The following CSMD1 variants were observed in gnomAD, a reference collection of about 807,000 sequenced individuals.
CSMD1 encodes CUB and sushi domain-containing protein 1.
Under a neutral mutation model 417.5 loss-of-function variants are expected in CSMD1, and 213 were observed. The observed-to-expected ratio is 0.51, with a 90% CI of 0.46 to 0.57. The LOEUF (loss-of-function observed/expected upper bound fraction) is 0.57, where lower values mean the gene tolerates loss of function less well. CSMD1 is among the 20% of genes least tolerant of loss of function. The pLI is 0.00. For synonymous variants in CSMD1, 2,862 were observed against 1,736.8 expected (o/e 1.65, Z -16.11); for missense variants, 6,923 against 4,529.7 (o/e 1.53, Z -15.17).
At chr8:3,946,167 G>A (rs113327393) in intron 5 of CSMD1, among the ~76,000 whole-genome samples, 1 of 151,974 alleles carries the variant, frequency 6.6e-6, no homozygotes, top group South Asian at 2.1e-4. Context: ...TTTGAAATAA[G>A]ATTATTACAA....
chr8:3,386,339 G>A (rs1014956336), intron 18 of CSMD1, among the ~76,000 whole-genome samples: 3 of 152,102 alleles, frequency 2.0e-5, no homozygotes, highest in African/African-American at 4.8e-5. Context: ...CGCCGAACTC[G>A]ACTCCCACCT....
chr8:4,653,552 T>A (rs757908107), intron 1 of CSMD1, among the ~76,000 whole-genome samples: 5 of 152,096 alleles, frequency 3.3e-5, no homozygotes, highest in Non-Finnish European at 7.3e-5. Flanking sequence ...TCATTTCTAC[T>A]TGTTTCAAAA....
At chr8:4,161,867 T>A (rs1269995015) in intron 3 of CSMD1, among the ~76,000 whole-genome samples, 1 of 152,220 alleles carries the variant, frequency 6.6e-6, no homozygotes, top group East Asian at 1.9e-4. Flanking sequence ...AGAATTTAAT[T>A]CTTTTAGATT....
At chr8:4,084,013 C>G (rs1012807870) in intron 3 of CSMD1, among the ~76,000 whole-genome samples, 2 of 151,900 alleles carry the variant, frequency 1.3e-5, no homozygotes, top group African/African-American at 2.4e-5. Context: ...AACAAACAAC[C>G]CCATCAAGAA....
At chr8:3,460,378 A>T (rs1020879310) in intron 12 of CSMD1, among the ~76,000 whole-genome samples, 3 of 152,146 alleles carry the variant, frequency 2.0e-5, no homozygotes, top group Non-Finnish European at 4.4e-5. Flanking sequence ...ATGAAGATGG[A>T]ATCTGGAAAC....
At chr8:3,158,196 T>C (rs1819653356) in intron 38 of CSMD1, among the ~76,000 whole-genome samples, 1 of 152,218 alleles carries the variant, frequency 6.6e-6, no homozygotes, top group South Asian at 2.1e-4. Context: ...AACAAAATCT[T>C]GCAATGTCCT....
intron 2 of CSMD1, among the ~76,000 whole-genome samples, chr8:4,602,135 C>T (rs73659141): frequency 6.6e-6 from 1 of 152,184 alleles, no homozygotes; most frequent in Non-Finnish European, 1.5e-5. Flanking sequence ...TCTGCTCCCC[C>T]AGTTCCCTAA....
At chr8:3,453,461 T>G (rs1815887604) in intron 12 of CSMD1, among the ~76,000 whole-genome samples, 1 of 152,192 alleles carries the variant, frequency 6.6e-6, no homozygotes, top group South Asian at 2.1e-4. Flanking sequence ...TGCTATAAAT[T>G]TCCCTCTACA....
intron 5 of CSMD1, among the ~76,000 whole-genome samples, chr8:3,915,760 C>A (rs953679929): frequency 1.3e-5 from 2 of 149,426 alleles, no homozygotes; most frequent in African/African-American, 5.0e-5. Context: ...CTCTCGCTTT[C>A]CATTGCATCT....
chr8:4,141,937 A>G (rs1303520133), intron 3 of CSMD1, among the ~76,000 whole-genome samples: 1 of 151,154 alleles, frequency 6.6e-6, no homozygotes. Flanking sequence ...TATGCTATCC[A>G]AAATAACATC....
Position 4,216,549 on chromosome 8 carries a change from C to G in CSMD1, c.416-184450G>C, listed in dbSNP as rs191365996. On this transcript the variant is annotated intron_variant, in intron 3 of 69. Transcript: ENST00000635120. ...CTAAGAATTCTCAAGATCAAAGAAC[C>G]CGGCCTGAGTCTGCTGCCACTGCCA... Among the ~76,000 whole-genome samples, 215 of 152,210 alleles carry G rather than the reference C, an allele frequency of 1.4e-3. 4 individuals carry two copies. The highest frequency in any genetic ancestry group is 4.7e-3 in the African/African-American group (195 of 41,534).
chr8:4,120,026 T>C (rs898893178), intron 3 of CSMD1, among the ~76,000 whole-genome samples: 5 of 152,168 alleles, frequency 3.3e-5, no homozygotes, highest in Non-Finnish European at 7.3e-5. Context: ...TTGATGATAA[T>C]TTAATTGCAC....
intron 3 of CSMD1, among the ~76,000 whole-genome samples, chr8:4,226,892 C>A (rs968254359): frequency 1.3e-5 from 2 of 152,130 alleles, no homozygotes; most frequent in Non-Finnish European, 2.9e-5. Flanking sequence ...CATATTTGAA[C>A]GTAAAGGATT....
intron 2 of CSMD1, among the ~76,000 whole-genome samples, chr8:4,429,601 A>G (rs1797756393): frequency 6.6e-6 from 1 of 152,144 alleles, no homozygotes. Context: ...AAAGAAAGTC[A>G]AAGTTTAGAG....
In CSMD1 at chr8:3,199,777, T is replaced by G. The variant is rs1465574743; in HGVS notation, c.5131A>C (p.Ile1711Leu). The G allele has an allele frequency of 6.3e-7, 1 of 1,582,904 alleles. No homozygotes were observed. ...CTCTTTGCACTGAATCGGAGCAGAA[T>G]TTGATTTGACGTAGCCAAGGGCAAT... ...ETLPLATSNQ[I>L]LLRFSAKSGA... The change falls in exon 33 of 70, where the codon ATT (isoleucine) becomes CTT (leucine). Residue 1711 changes from isoleucine (I) to leucine (L), a missense_variant. Coordinates refer to ENST00000635120, the MANE Select transcript of CSMD1 (RefSeq NM_033225.6).
At chr8:3,012,909 G>C (rs1314662786) in intron 52 of CSMD1, among the ~76,000 whole-genome samples, 1 of 152,140 alleles carries the variant, frequency 6.6e-6, no homozygotes, top group African/African-American at 2.4e-5. Flanking sequence ...GGGGGCGGGA[G>C]TTTCTGTTCT....
At position 4,448,842 on chromosome 8, in the gene CSMD1, T is replaced by C. The variant is rs186954; in HGVS notation, c.303-28777A>G. ...GGGACAGGGTAAAAGGTAATTTCTCTATCTTCTTTCTGATGTGTATCCAAT... is the reference window on the plus strand; with the variant it reads ...GGGACAGGGTAAAAGGTAATTTCTCCATCTTCTTTCTGATGTGTATCCAAT... On this transcript the variant is annotated intron_variant, in intron 2 of 69. Coordinates refer to ENST00000635120, the MANE Select transcript of CSMD1 (RefSeq NM_033225.6). 1.8e-4 allele frequency among the ~76,000 whole-genome samples: 27 copies of C among 151,788 alleles called. No homozygotes were observed. In the East Asian group the frequency reaches 3.9e-3, roughly 22 times the overall value.
chr8:3,513,204 T>A (rs1797151117), intron 10 of CSMD1, among the ~76,000 whole-genome samples: 1 of 152,176 alleles, frequency 6.6e-6, no homozygotes, highest in South Asian at 2.1e-4. Context: ...AAAAAATAGT[T>A]ACATACTAAT....
intron 5 of CSMD1, among the ~76,000 whole-genome samples, chr8:3,829,276 A>T (rs1454902390): frequency 6.6e-6 from 1 of 152,038 alleles, no homozygotes; most frequent in Non-Finnish European, 1.5e-5. Flanking sequence ...AGAAAATACG[A>T]TGTTTGGTTT....
Sources: allele counts gnomAD v4.1 joint callset (sites outside exome capture counted in the v4.1 genomes callset), GRCh38; gene constraint gnomAD v4.1.1; transcripts MANE v1.5; gene names NCBI Gene and HGNC (gene_info 2026-07-23, HGNC 2026-07-21).